The following DZIP3 variants were observed in gnomAD, a reference collection of about 807,000 sequenced individuals.
DZIP3 encodes the protein E3 ubiquitin-protein ligase DZIP3.
Under a neutral mutation model 162.0 loss-of-function variants are expected in DZIP3, and 118 were observed. That is an observed-to-expected ratio of 0.73 (90% CI 0.63 to 0.85). The LOEUF (loss-of-function observed/expected upper bound fraction) is 0.85. Among genes scored for constraint, DZIP3 ranks in the 40% least tolerant of loss-of-function variants. The pLI, the probability that DZIP3 is intolerant of heterozygous loss-of-function variation, is 0.00. For synonymous variants in DZIP3, 438 were observed against 458.6 expected (o/e 0.96, Z 0.57); for missense variants, 1,331 against 1,407.0 (o/e 0.95, Z 0.86).
rs550608836 is a variant in DZIP3 at position 108,608,061 on chromosome 3, T to A, written c.33-28T>A. ...TGTGTTCTTTGTGAGAAGATGCTCT[T>A]AATATACCTCATTTTCATTTAAAAT... is the stretch of plus-strand genomic sequence containing the variant. On this transcript the variant is annotated intron_variant, in intron 2 of 32. Transcript: ENST00000361582. The A allele has an allele frequency of 1.5e-5, 24 of 1,571,038 alleles. No homozygotes were observed. The South Asian group carries it at 2.2e-4, about 15-fold the overall frequency.
intron 27 of DZIP3, 76 bp downstream of exon 27, chr3:108,684,417 C>T (rs1205649280): frequency 1.3e-6 from 2 of 1,495,456 alleles, no homozygotes; most frequent in Non-Finnish European, 1.8e-6. Context: ...TGAGTATCTT[C>T]ATTTTGTTCA....
At chr3:108,593,352 C>T (rs567846286) in intron 1 of DZIP3, among the ~76,000 whole-genome samples, 71 of 152,146 alleles carry the variant, frequency 4.7e-4, no homozygotes, top group Non-Finnish European at 8.8e-4. Flanking sequence ...CCCAAGGTCA[C>T]GTAGACAGTA....
chr3:108,649,931 T>C (rs1229053805), intron 17 of DZIP3, among the ~76,000 whole-genome samples: 1 of 151,842 alleles, frequency 6.6e-6, no homozygotes, highest in East Asian at 1.9e-4. Context: ...TTCCTGACTT[T>C]TAGACAGTTC....
intron 8 of DZIP3, among the ~76,000 whole-genome samples, chr3:108,631,051 A>ACT (rs1431834911): frequency 3.7e-3 from 156 of 41,914 alleles, no homozygotes; most frequent in Middle Eastern, 0.015. Flanking sequence ...ACACACACAC[A>ACT]CACACTCTCT....
intron 1 of DZIP3, among the ~76,000 whole-genome samples, chr3:108,601,421 C>T (rs765653880): frequency 2.5e-4 from 38 of 152,146 alleles, no homozygotes; most frequent in Non-Finnish European, 4.6e-4. Flanking sequence ...GCCTGATATA[C>T]TGGGCATAGG....
In DZIP3 at chr3:108,693,835, G is replaced by A. The variant is rs535528278; in HGVS notation, c.*482G>A. On this transcript the variant is annotated 3_prime_UTR_variant, in exon 33 of 33. Transcript: ENST00000361582. ...AGTCTGTAATTTCAGTTTTTGTGTC[G>A]GGGAGAGGGAAAAACTATTTGTCTG... 47 of 152,104 alleles carry A rather than the reference G, an allele frequency of 3.1e-4. No individual in the cohort carries two copies. Among genetic ancestry groups the A allele is most frequent in the East Asian group, 1.9e-4 (1 of 5,172 alleles). 9.4% of individuals were successfully genotyped at this position (152,104 alleles called of 1,614,324 possible). A position where few individuals can be genotyped will look rare whatever the true frequency, so the allele number is the denominator to read the frequency against.
intron 31 of DZIP3, 113 bp from the exon 32 acceptor site, chr3:108,690,674 G>A: frequency 1.1e-6 from 1 of 938,328 alleles, no homozygotes; most frequent in Non-Finnish European, 1.6e-6. Flanking sequence ...CACAGCGTAA[G>A]GCTTTAAAGA....
chr3:108,665,579 C>G (rs940671257), intron 21 of DZIP3, among the ~76,000 whole-genome samples: 1 of 152,080 alleles, frequency 6.6e-6, no homozygotes, highest in African/African-American at 2.4e-5. Context: ...GAAATTTCCC[C>G]AAATTTGATG....
At chr3:108,648,200 A>C in intron 16 of DZIP3, 88 bp downstream of exon 16, 5 of 1,272,540 alleles carry the variant, frequency 3.9e-6, no homozygotes, top group Non-Finnish European at 5.3e-6. Context: ...CATCCCAGAT[A>C]ATTTTAGCTT....
chr3:108,682,382 A>C lies in DZIP3; in HGVS notation c.2884-1834A>C, dbSNP rs1031086964. Among the ~76,000 whole-genome samples the C allele has an allele frequency of 3.3e-5, 5 of 151,040 alleles. No homozygotes were observed. In the South Asian group the frequency reaches 1.0e-3, roughly 31 times the overall value. ...AGATATGTCATCTACATAAGTGTCC[A>C]TAAAGGTTGGATAAAGAAAATGTAT... On this transcript the variant is annotated intron_variant, in intron 26 of 32. Coordinates refer to ENST00000361582, the MANE Select transcript of DZIP3 (RefSeq NM_014648.4).
intron 15 of DZIP3, among the ~76,000 whole-genome samples, chr3:108,647,150 C>T (rs1576411961): frequency 6.6e-6 from 1 of 152,106 alleles, no homozygotes; most frequent in East Asian, 1.9e-4. Flanking sequence ...AGGGTTTTCC[C>T]AAGGATGATG....
At chr3:108,671,960 G>A (rs1943941198) in intron 22 of DZIP3, among the ~76,000 whole-genome samples, 2 of 151,878 alleles carry the variant, frequency 1.3e-5, no homozygotes, top group African/African-American at 4.8e-5. Flanking sequence ...TATAAAAATA[G>A]AATTGTATCT....
rs754766588 is a variant in DZIP3, at chr3:108,669,733, C to A, written c.2476C>A (p.Gln826Lys). The A allele has an allele frequency of 2.5e-6, 4 of 1,610,740 alleles. No individual in the cohort carries two copies. In the Admixed American group the frequency reaches 6.7e-5, roughly 27 times the overall value. The change falls in exon 22 of 33, where the codon CAA (glutamine) becomes AAA (lysine). Residue 826 changes from glutamine to lysine, a missense_variant. Coordinates refer to ENST00000361582, the MANE Select transcript of DZIP3 (RefSeq NM_014648.4). ...TAATGAAATCAAGAACCTTAAAGAG[C>A]AACTTTCTATGAAAAGGTACAAACT... ...KDNEIKNLKE[Q>K]LSMKRSQWEM...
At chr3:108,611,913 G>A (rs538933130) in intron 4 of DZIP3, among the ~76,000 whole-genome samples, 32 of 150,544 alleles carry the variant, frequency 2.1e-4, no homozygotes, top group African/African-American at 7.3e-4. Context: ...ACAGTGAGCC[G>A]AGATCATGCC....
intron 3 of DZIP3, among the ~76,000 whole-genome samples, chr3:108,610,933 G>A (rs1474203478): frequency 2.0e-5 from 3 of 152,146 alleles, no homozygotes; most frequent in Non-Finnish European, 4.4e-5. Flanking sequence ...GTCATATAAT[G>A]TAAAAAGCAC....
intron 1 of DZIP3, among the ~76,000 whole-genome samples, chr3:108,601,565 G>T (rs1248078298): frequency 6.6e-6 from 1 of 152,072 alleles, no homozygotes; most frequent in East Asian, 1.9e-4. Context: ...TTTCCTCCTG[G>T]CATTGTATAA....
intron 1 of DZIP3, among the ~76,000 whole-genome samples, chr3:108,596,302 T>G (rs759370924): frequency 2.0e-5 from 3 of 152,202 alleles, no homozygotes; most frequent in Non-Finnish European, 4.4e-5. Flanking sequence ...TTAGGTTATG[T>G]TGTGATGTTA....
chr3:108,596,344 A>G (rs1559713785), intron 1 of DZIP3, among the ~76,000 whole-genome samples: 1 of 152,212 alleles, frequency 6.6e-6, no homozygotes, highest in Admixed American at 6.5e-5. Context: ...AGGCTATCAA[A>G]TTACTGGTAG....
chr3:108,647,886 A>G, intron 15 of DZIP3, 57 bp from the exon 16 acceptor site: 2 of 1,390,268 alleles, frequency 1.4e-6, no homozygotes, highest in East Asian at 5.1e-5. Context: ...TATAACATTG[A>G]TAAGAAGCTG....
Sources: allele counts gnomAD v4.1 joint callset (sites outside exome capture counted in the v4.1 genomes callset), GRCh38; gene constraint gnomAD v4.1.1; transcripts MANE v1.5; gene names NCBI Gene and HGNC (gene_info 2026-07-23, HGNC 2026-07-21).